The following GRID2IP variants were observed in gnomAD, a reference collection of about 807,000 sequenced individuals.
GRID2IP encodes the protein delphilin.
In GRID2IP, 78 loss-of-function variants were observed where a neutral mutation model predicts 114.3. That is an observed-to-expected ratio of 0.68 (90% CI 0.57 to 0.82). The LOEUF is 0.82. GRID2IP is among the 40% of genes least tolerant of loss of function. GRID2IP has a pLI of 0.00. For missense variants in GRID2IP, 1,727 were observed against 1,678.5 expected (o/e 1.03, Z -0.51); for synonymous variants, 809 against 724.0 (o/e 1.12, Z -1.89).
intron 15 of GRID2IP, among the ~76,000 whole-genome samples, chr7:6,503,919 G>A (rs1211119918): frequency 6.6e-6 from 1 of 151,740 alleles, no homozygotes; most frequent in African/African-American, 2.4e-5. Context: ...CCTGGGCTAA[G>A]GGGAAGAAAA....
At chr7:6,543,641 GCT>G (rs1779845319) in intron 1 of GRID2IP, among the ~76,000 whole-genome samples, 1 of 151,606 alleles carries the variant, frequency 6.6e-6, no homozygotes, top group South Asian at 2.1e-4. Flanking sequence ...TCAGGGTCTT[GCT>G]CTGTTGCCCA....
At position 6,536,102 on chromosome 7, in the gene GRID2IP, C is replaced by T. The variant is rs975142145; in HGVS notation, c.584+3616G>A. On this transcript the variant is annotated intron_variant, in intron 2 of 21. Transcript: ENST00000457091. The surrounding 1 kb of genome is among the most constrained non-coding windows in gnomAD (Gnocchi z 5.3). ...TCTCCAGATGGGGCTGCCCAGAGATCGCTGCCACCCTAGAGGCCAGCACAC... is the reference window on the plus strand; with the variant it reads ...TCTCCAGATGGGGCTGCCCAGAGATTGCTGCCACCCTAGAGGCCAGCACAC... 1.3e-5 allele frequency among the ~76,000 whole-genome samples: 2 copies of T among 152,170 alleles called. No homozygotes were observed. The highest frequency in any genetic ancestry group is 1.9e-4 in the East Asian group (1 of 5,186).
Position 6,507,846 on chromosome 7 carries a change from G to A in GRID2IP, c.2544+139C>T. 7.4e-7 allele frequency: 1 copy of A among 1,348,696 alleles called. No individual in the cohort carries two copies. The highest frequency in any genetic ancestry group is 9.8e-7 in the Non-Finnish European group (1 of 1,017,024). The allele number at this position is 1,348,696 out of a possible 1,614,324, so 83.5% of individuals were successfully genotyped here. The stretch of plus-strand genomic sequence containing the variant: ...GCCCCCAAGCGTGGGGACGTTCTTG[G>A]GCTGGGCCTCTACTCATCCTCTGCT... On this transcript the variant is annotated intron_variant, in intron 13 of 21. Transcript: ENST00000457091. This position sits in a 1 kb window ranked among gnomAD's most constrained non-coding sequence, Gnocchi z 5.3.
At chr7:6,500,988 G>GA (rs1227206139) in intron 20 of GRID2IP, among the ~76,000 whole-genome samples, 2 of 152,216 alleles carry the variant, frequency 1.3e-5, no homozygotes, top group Admixed American at 1.3e-4. Flanking sequence ...AGATGGTACA[G>GA]TGGCTTTGGG....
chr7:6,511,929 T>A (rs1779177160), intron 8 of GRID2IP, among the ~76,000 whole-genome samples: 1 of 151,602 alleles, frequency 6.6e-6, no homozygotes, highest in African/African-American at 2.4e-5. Context: ...CTTTATTTAT[T>A]CAGAGTCTGG....
At chr7:6,511,429 G>C (rs532718464) in intron 8 of GRID2IP, among the ~76,000 whole-genome samples, 3 of 152,084 alleles carry the variant, frequency 2.0e-5, no homozygotes, top group Admixed American at 2.0e-4. Context: ...TGGGAGTGCA[G>C]TGGTGCAATC....
At chr7:6,550,827 C>CA (rs780394128) in intron 1 of GRID2IP, among the ~76,000 whole-genome samples, 181 bp downstream of exon 1, 3,585 of 141,840 alleles carry the variant, frequency 0.025, 70 homozygotes, top group Non-Finnish European at 0.038. Flanking sequence ...GACTCTGTCT[C>CA]AAAAAAAAAA....
intron 2 of GRID2IP, chr7:6,530,979 C>A (rs1039117112): frequency 3.3e-6 from 2 of 603,514 alleles, no homozygotes; most frequent in East Asian, 3.4e-5. Flanking sequence ...CACGCTCCAG[C>A]CCCACCCGCT....
Position 6,536,909 on chromosome 7 carries a change from G to A in GRID2IP, c.584+2809C>T. The A allele has an allele frequency of 1.5e-6, 1 of 664,120 alleles. No individual in the cohort carries two copies. The highest frequency in any genetic ancestry group is 2.7e-6 in the Non-Finnish European group (1 of 366,904). The allele number at this position is 664,120 out of a possible 1,614,324, so 41.1% of individuals were successfully genotyped here. On this transcript the variant is annotated intron_variant, in intron 2 of 21. Transcript: ENST00000457091. This position sits in a 1 kb window ranked among gnomAD's most constrained non-coding sequence, Gnocchi z 5.3. The stretch of plus-strand genomic sequence containing the variant: ...AGAGCCGAGAGCTGCGCCGGGGCTG[G>A]GGTGGGCGGGGGGGCGGCGGGGAGG...
At chr7:6,538,450 C>T (rs1056497153) in intron 2 of GRID2IP, among the ~76,000 whole-genome samples, 3 of 151,304 alleles carry the variant, frequency 2.0e-5, no homozygotes, top group Admixed American at 1.3e-4. Flanking sequence ...GCCTATAATC[C>T]ACACACTTTG....
Position 6,514,567 on chromosome 7 carries a change from C to T in GRID2IP, c.1269-38G>A, listed in dbSNP as rs144408847. ...GCAGGAATGTGAGGCTCAATACTCA[C>T]GGGCTTACCATGATGCACAGAGTGG... On this transcript the variant is annotated intron_variant, in intron 7 of 21. Coordinates refer to ENST00000457091, the MANE Select transcript of GRID2IP (RefSeq NM_001145118.2). 7.6e-5 allele frequency: 111 copies of T among 1,462,198 alleles called. No individual in the cohort carries two copies. The African/African-American group carries it at 1.2e-3, about 16-fold the overall frequency. The allele number at this position is 1,462,198 out of a possible 1,614,324, so 90.6% of individuals were successfully genotyped here.
chr7:6,510,504 A>G (rs2115366332), intron 10 of GRID2IP, 104 bp from the exon 11 acceptor site: 3 of 1,298,960 alleles, frequency 2.3e-6, no homozygotes, highest in Non-Finnish European at 2.1e-6. Context: ...CCCCAGCCTG[A>G]AGCAGCACAG....
rs185405870 is a variant in GRID2IP at position 6,537,626 on chromosome 7, C to T, written c.584+2092G>A. ...AACTCCTGATCTCATGATCTGCCCGCCTCGGCCTCCCAAAGTGCTGGGATT... is the reference window on the plus strand; with the variant it reads ...AACTCCTGATCTCATGATCTGCCCGTCTCGGCCTCCCAAAGTGCTGGGATT... On this transcript the variant is annotated intron_variant, in intron 2 of 21. Coordinates refer to ENST00000457091, the MANE Select transcript of GRID2IP (RefSeq NM_001145118.2). 8.6e-3 allele frequency among the ~76,000 whole-genome samples: 1,305 copies of T among 151,746 alleles called. 10 individuals are homozygous for T. Among genetic ancestry groups the T allele is most frequent in the South Asian group, 0.014 (66 of 4,798 alleles).
Position 6,514,925 on chromosome 7 carries a change from C to T in GRID2IP, c.1269-396G>A, listed in dbSNP as rs556902690. Reference sequence around the variant, plus strand: ...TGAGATCGTGTCACTGCACTCCAGCCTGGGAGACAGAGTGAGACTCCAACT... The same window carrying T: ...TGAGATCGTGTCACTGCACTCCAGCTTGGGAGACAGAGTGAGACTCCAACT... On this transcript the variant is annotated intron_variant, in intron 7 of 21. Transcript: ENST00000457091. Among the ~76,000 whole-genome samples the T allele has an allele frequency of 6.8e-4, 99 of 146,300 alleles. 1 individual carries two copies. The Middle Eastern group carries it at 0.021, about 31-fold the overall frequency.
rs1418833757 is a variant in GRID2IP at position 6,503,543 on chromosome 7, G to T, written c.2855C>A (p.Ala952Asp). ...GAGGCGGCCGGGCGCCTCGCGGAAG[G>T]CCTGGTAGCGCTGCTCCTCGTCGGC... ...PDADEEQRYQ[A>D]FREAPGRLSE... The change falls in exon 16 of 22, where the codon GCC becomes GAC. Residue 952 changes from alanine (A) to aspartate (D), a missense_variant. Physicochemically the swap from Ala to Asp is moderately radical, Grantham distance 126. Coordinates refer to ENST00000457091, the MANE Select transcript of GRID2IP (RefSeq NM_001145118.2). The T allele has an allele frequency of 6.5e-6, 10 of 1,528,440 alleles. No homozygotes were observed. Among genetic ancestry groups the T allele is most frequent in the Non-Finnish European group, 8.7e-6 (10 of 1,144,120 alleles). 94.7% of individuals were successfully genotyped at this position (1,528,440 alleles called of 1,614,324 possible).
chr7:6,526,762 T>C lies in GRID2IP; in HGVS notation c.592A>G (p.Ile198Val), dbSNP rs1356137009. The C allele has an allele frequency of 6.6e-7, 1 of 1,519,812 alleles. No homozygotes were observed. The highest frequency in any genetic ancestry group is 8.8e-7 in the Non-Finnish European group (1 of 1,133,502). 94.1% of individuals were successfully genotyped at this position (1,519,812 alleles called of 1,614,324 possible). ...GPLLDNLRIFIPKKHRARFDE... is the reference protein window; with the variant it reads ...GPLLDNLRIFVPKKHRARFDE... ...AAGCGCGCCCGGTGCTTCTTGGGGA[T>C]GAAGATCCTGCCGGCGAGGACGGCG... The change falls in exon 3 of 22, where the codon ATC becomes GTC. Residue 198 changes from isoleucine to valine, a missense_variant. Physicochemically the swap from Ile to Val is conservative, Grantham distance 29. Transcript: ENST00000457091. This position sits in a 1 kb window ranked among gnomAD's most constrained non-coding sequence, Gnocchi z 7.6.
Position 6,509,220 on chromosome 7 carries a change from G to C in GRID2IP, c.1865C>G (p.Pro622Arg). ...HPLCSGGLASPSSSESHPYAS... is the reference protein window; with the variant it reads ...HPLCSGGLASRSSSESHPYAS... ...GTAGGGGTGGGACTCAGAGCTGCTG[G>C]GGGAGGCCAGACCCCCCGAACACAG... The change falls in exon 12 of 22, where the codon CCC becomes CGC. Residue 622 changes from proline (P) to arginine (R), a missense_variant. Physicochemically the swap from Pro to Arg is moderately radical, Grantham distance 103 (BLOSUM62 -2). Transcript: ENST00000457091. The surrounding 1 kb of genome is among the most constrained non-coding windows in gnomAD (Gnocchi z 4.9). 1 of 1,502,206 alleles carries C rather than the reference G, an allele frequency of 6.7e-7. No homozygotes were observed. The highest frequency in any genetic ancestry group is 8.9e-7 in the Non-Finnish European group (1 of 1,123,534). The allele number at this position is 1,502,206 out of a possible 1,614,324, so 93.1% of individuals were successfully genotyped here.
intron 1 of GRID2IP, among the ~76,000 whole-genome samples, chr7:6,543,050 T>C (rs1779836809): frequency 6.6e-6 from 1 of 152,080 alleles, no homozygotes; most frequent in African/African-American, 2.4e-5. Flanking sequence ...TCCAAACTTC[T>C]CAACAGACTC....
chr7:6,542,807 C>T (rs1367726267), intron 1 of GRID2IP, among the ~76,000 whole-genome samples: 1 of 152,086 alleles, frequency 6.6e-6, no homozygotes, highest in Non-Finnish European at 1.5e-5. Flanking sequence ...CATCGAATTG[C>T]CCACATGTCA....
Sources: gnomAD v4.1 joint callset for allele counts (sites outside exome capture counted in the v4.1 genomes callset) on GRCh38, gnomAD v4.1.1 for gene constraint, Gnocchi (gnomAD v3.1) non-coding constraint, MANE v1.5 for transcripts, NCBI Gene and HGNC (gene_info 2026-07-23, HGNC 2026-07-21) for gene names.